STOX1: variants seen among roughly 807,000 people sequenced by gnomAD.
The protein encoded by STOX1 is storkhead-box protein 1.
In STOX1, 57 loss-of-function variants were observed where a neutral mutation model predicts 74.8. The ratio of observed to expected loss-of-function variants is 0.76; its 90% CI spans 0.62 to 0.95. STOX1 has a LOEUF of 0.95. Ranked by LOEUF, STOX1 falls within the 40% of genes least tolerant of loss-of-function variation. The pLI is 0.00. For synonymous variants in STOX1, 375 were observed against 401.3 expected (o/e 0.93, Z 0.78); for missense variants, 1,010 against 1,117.0 (o/e 0.90, Z 1.37).
chr10:68,869,672 A>G (rs1217807867), intron 1 of STOX1, among the ~76,000 whole-genome samples: 1 of 152,146 alleles, frequency 6.6e-6, no homozygotes, highest in Non-Finnish European at 1.5e-5. Context: ...GCTGAAGGGT[A>G]GTACAGTACT....
At position 68,861,989 on chromosome 10, in the gene STOX1, A is replaced by C. The variant is rs556414330; in HGVS notation, c.311-19969A>C. ...CTGCATTGTATATTCCAAACTAACTATCTCCTAGCCACATTACAGTTTGTG... is the reference window on the plus strand; with the variant it reads ...CTGCATTGTATATTCCAAACTAACTCTCTCCTAGCCACATTACAGTTTGTG... On this transcript the variant is annotated intron_variant, in intron 1 of 3. Transcript: ENST00000298596. 5.0e-5 allele frequency among the ~76,000 whole-genome samples: 4 copies of C among 80,330 alleles called. No individual in the cohort carries two copies. The Admixed American group carries it at 5.6e-4, about 11-fold the overall frequency. The allele number at this position is 80,330 out of a possible 152,430, so 52.7% of individuals were successfully genotyped here.
In STOX1 at chr10:68,885,659, G is replaced by C. The variant is rs767036807; in HGVS notation, c.1863G>C (p.Leu621Phe). Residue 621 changes from leucine (L) to phenylalanine (F), a missense_variant, in exon 3 of 4, where the codon TTG becomes TTC. Transcript: ENST00000298596. ...AAAATGAGGTAATTCCTGAAGTCTT[G>C]AGGAAAAGTCATTCCCACTTTGACA... is the stretch of plus-strand genomic sequence containing the variant. ...GGENEVIPEVLRKSHSHFDKL... is the reference protein window; with the variant it reads ...GGENEVIPEVFRKSHSHFDKL... 3.1e-6 allele frequency: 5 copies of C among 1,614,130 alleles called. No homozygotes were observed. Among genetic ancestry groups the C allele is most frequent in the Middle Eastern group, 1.7e-4 (1 of 6,060 alleles).
At chr10:68,830,369 GTCTC>G (rs1184831757) in intron 1 of STOX1, among the ~76,000 whole-genome samples, 3 of 152,174 alleles carry the variant, frequency 2.0e-5, no homozygotes, top group East Asian at 1.9e-4. Flanking sequence ...GTTTGACAGA[GTCTC>G]TCTCTGCTGC....
intron 1 of STOX1, among the ~76,000 whole-genome samples, chr10:68,845,622 A>G (rs1839822888): frequency 1.5e-5 from 2 of 135,704 alleles, no homozygotes; most frequent in Non-Finnish European, 3.2e-5. Context: ...TTTTTTTTGG[A>G]TGGATTTTCG....
At chr10:68,834,797 T>G (rs1447555294) in intron 1 of STOX1, among the ~76,000 whole-genome samples, 3 of 152,206 alleles carry the variant, frequency 2.0e-5, no homozygotes, top group Non-Finnish European at 4.4e-5. Flanking sequence ...TGATCTCGGC[T>G]CACTGCAACC....
chr10:68,869,824 G>C (rs1840493934), intron 1 of STOX1, among the ~76,000 whole-genome samples: 1 of 152,142 alleles, frequency 6.6e-6, no homozygotes, highest in Non-Finnish European at 1.5e-5. Flanking sequence ...TTTGGCATGG[G>C]GACCCTTTTT....
Position 68,885,159 on chromosome 10 carries a change from C to A in STOX1, c.1363C>A (p.Leu455Ile), listed in dbSNP as rs1195213481. The A allele has an allele frequency of 2.5e-6, 4 of 1,613,970 alleles. No individual in the cohort carries two copies. Among genetic ancestry groups the A allele is most frequent in the Admixed American group, 1.7e-5 (1 of 60,008 alleles). Reference sequence around the variant, plus strand: ...CATTAGACTGGAGAAACACCCCAAGCTCCCTGCTACACAGCCCATCCCCAG... The same window carrying A: ...CATTAGACTGGAGAAACACCCCAAGATCCCTGCTACACAGCCCATCCCCAG... ...GSIRLEKHPK[L>I]PATQPIPRIK... The change falls in exon 3 of 4, where the codon CTC becomes ATC. Residue 455 changes from leucine (L) to isoleucine (I), a missense_variant. By Grantham distance (5) the Leu-to-Ile change is conservative (BLOSUM62 2). Transcript: ENST00000298596.
At chr10:68,883,335 G>C (rs1278118885) in intron 2 of STOX1, among the ~76,000 whole-genome samples, 1 of 107,670 alleles carries the variant, frequency 9.3e-6, no homozygotes, top group African/African-American at 2.8e-5. Flanking sequence ...TTTTATTTGA[G>C]TGAATTCAGA....
At position 68,884,315 on chromosome 10, in the gene STOX1, A is replaced by C; in HGVS notation, c.519A>C (p.Lys173Asn). ...ATACCACTCTGGGAACGCTGATTAA[A>C]GAAAGGAAGATTTATCACACTGGAG... is the stretch of plus-strand genomic sequence containing the variant. ...ILYTTLGTLI[K>N]ERKIYHTGEG... The change falls in exon 3 of 4, where the codon AAA becomes AAC. Residue 173 changes from lysine (K) to asparagine (N), a missense_variant. By Grantham distance (94) the Lys-to-Asn change is moderately conservative. Coordinates refer to ENST00000298596, the MANE Select transcript of STOX1 (RefSeq NM_152709.5). 6.2e-7 allele frequency: 1 copy of C among 1,614,194 alleles called. No homozygotes were observed. The highest frequency in any genetic ancestry group is 8.5e-7 in the Non-Finnish European group (1 of 1,180,040).
chr10:68,850,299 C>T (rs1589221944), intron 1 of STOX1, among the ~76,000 whole-genome samples: 2 of 152,286 alleles, frequency 1.3e-5, no homozygotes, highest in South Asian at 4.1e-4. Context: ...TCAGCCACTG[C>T]ACCCAGAATG....
At chr10:68,840,163 A>G (rs59470633) in intron 1 of STOX1, among the ~76,000 whole-genome samples, 1,798 of 152,270 alleles carry the variant, frequency 0.012, 31 homozygotes, top group African/African-American at 0.041. Flanking sequence ...CCCCTTTCTT[A>G]TACCATCCAC....
At chr10:68,891,542 G>C (rs1841097274) in intron 3 of STOX1, among the ~76,000 whole-genome samples, 4 of 152,128 alleles carry the variant, frequency 2.6e-5, no homozygotes, top group Admixed American at 2.6e-4. Flanking sequence ...AGTGGCTCAC[G>C]CCTGTAATCC....
downstream of STOX1, among the ~76,000 whole-genome samples, chr10:68,893,866 A>G (rs1841148165): frequency 6.6e-6 from 1 of 152,160 alleles, no homozygotes; most frequent in South Asian, 2.1e-4. Context: ...AGTCTGGTAG[A>G]CATTTAGCAA....
intron 1 of STOX1, among the ~76,000 whole-genome samples, chr10:68,854,258 G>A (rs1840065120): frequency 6.6e-6 from 1 of 151,834 alleles, no homozygotes; most frequent in African/African-American, 2.4e-5. Flanking sequence ...GCCTCCTAAA[G>A]TGCTGGGATT....
At position 68,886,198 on chromosome 10, in the gene STOX1, A is replaced by G; in HGVS notation, c.2402A>G (p.Lys801Arg). The change falls in exon 3 of 4, where the codon AAA becomes AGA. Residue 801 changes from lysine to arginine, a missense_variant. Physicochemically the swap from Lys to Arg is conservative, Grantham distance 26. Transcript: ENST00000298596. ...GTGCTTAAAAGAAATGAATGCTACAAACCCACTGGGCTGCATGCTACCCCA... is the reference window on the plus strand; with the variant it reads ...GTGCTTAAAAGAAATGAATGCTACAGACCCACTGGGCTGCATGCTACCCCA... ...SQVLKRNECYKPTGLHATPGE... is the reference protein window; with the variant it reads ...SQVLKRNECYRPTGLHATPGE... The G allele has an allele frequency of 3.7e-6, 6 of 1,614,178 alleles. No individual in the cohort carries two copies. Among genetic ancestry groups the G allele is most frequent in the Non-Finnish European group, 5.1e-6 (6 of 1,180,022 alleles).
chr10:68,854,295 C>T (rs968527995), intron 1 of STOX1, among the ~76,000 whole-genome samples: 11 of 151,534 alleles, frequency 7.3e-5, no homozygotes, highest in South Asian at 2.1e-4. Context: ...GTGCCCAGCC[C>T]GTTTTTTGTC....
intron 1 of STOX1, among the ~76,000 whole-genome samples, chr10:68,880,164 C>CTTTTTT (rs71028800): frequency 4.0e-4 from 50 of 124,406 alleles, no homozygotes; most frequent in African/African-American, 6.5e-4. Context: ...TCTTTCTTTC[C>CTTTTTT]TTTTTTTTTT....
intron 1 of STOX1, among the ~76,000 whole-genome samples, chr10:68,877,462 A>G (rs1343051804): frequency 6.6e-6 from 1 of 152,190 alleles, no homozygotes; most frequent in Non-Finnish European, 1.5e-5. Flanking sequence ...ATTTTGAAGT[A>G]ATTATAGATT....
At chr10:68,875,435 G>T (rs937022392) in intron 1 of STOX1, among the ~76,000 whole-genome samples, 9 of 152,118 alleles carry the variant, frequency 5.9e-5, no homozygotes, top group Non-Finnish European at 1.3e-4. Flanking sequence ...GCTGGGTCTG[G>T]CAGGAAGGCA....
Sources: gnomAD v4.1 joint callset for allele counts (sites outside exome capture counted in the v4.1 genomes callset) on GRCh38, gnomAD v4.1.1 for gene constraint, MANE v1.5 for transcripts, NCBI Gene and HGNC (gene_info 2026-07-23, HGNC 2026-07-21) for gene names.